The following EPRS1 variants were observed in gnomAD, a reference collection of about 807,000 sequenced individuals.
The protein encoded by EPRS1 is bifunctional glutamate/proline--tRNA ligase.
A neutral mutation model predicts 188.3 loss-of-function variants in EPRS1; 107 were observed. That is an observed-to-expected ratio of 0.57 (90% CI 0.49 to 0.67). The LOEUF is 0.67. EPRS1 is among the 30% of genes least tolerant of loss of function. EPRS1 has a pLI of 0.00. For synonymous variants in EPRS1, 596 were observed against 593.1 expected, an observed-to-expected ratio of 1.00 and a Z score of -0.07; for missense variants, 1,577 against 1,802.2, an observed-to-expected ratio of 0.88 and a Z score of 2.26.
intron 2 of EPRS1, among the ~76,000 whole-genome samples, chr1:220,035,693 G>A (rs951102471): frequency 6.6e-6 from 1 of 151,644 alleles, no homozygotes; most frequent in Non-Finnish European, 1.5e-5. Context: ...GCTAGGCATA[G>A]TGGCATGCAC....
chr1:219,973,515 GC>G, intron 28 of EPRS1, 117 bp from the exon 29 acceptor site: 1 of 403,002 alleles, frequency 2.5e-6, no homozygotes. Flanking sequence ...CAAAGGCAAA[GC>G]CAAAAAAAAC....
intron 6 of EPRS1, among the ~76,000 whole-genome samples, chr1:220,027,811 T>C (rs1300085421): frequency 6.6e-6 from 1 of 151,832 alleles, no homozygotes; most frequent in African/African-American, 2.4e-5. Flanking sequence ...GGCGGAACTC[T>C]GTCTCTACTA....
chr1:219,982,457 C>T, intron 23 of EPRS1: 1 of 195,516 alleles, frequency 5.1e-6, no homozygotes, highest in Non-Finnish European at 1.0e-5. Flanking sequence ...ATTGCATTTG[C>T]AATATTATAA....
Position 220,034,985 on chromosome 1 carries a change from T to A in EPRS1, c.160A>T (p.Ile54Leu). ...GCAACTCTAGCCAAGTAGCGAAGTA[T>A]AGAATTCACATCTGTGAATATCACA... ...ENVIFTDVNSILRYLARVATT... is the reference protein window; with the variant it reads ...ENVIFTDVNSLLRYLARVATT... Residue 54 changes from isoleucine to leucine, a missense_variant, in exon 3 of 32, where the codon ATA becomes TTA. By Grantham distance (5) the Ile-to-Leu change is conservative (BLOSUM62 2). Around this residue, in one of 3 missense-constraint regions of EPRS1, gnomAD observed 1,278 missense variants for 1,457.4 expected, o/e 0.88. Coordinates refer to ENST00000366923, the MANE Select transcript of EPRS1 (RefSeq NM_004446.3). 1.2e-5 allele frequency: 19 copies of A among 1,595,736 alleles called. No individual in the cohort carries two copies. The highest frequency in any genetic ancestry group is 1.6e-5 in the Non-Finnish European group (19 of 1,169,176).
chr1:219,996,918 A>G, intron 18 of EPRS1, 65 bp downstream of exon 18: 1 of 1,459,536 alleles, frequency 6.9e-7, no homozygotes, highest in African/African-American at 1.4e-5. Flanking sequence ...AGAAGATGAG[A>G]CTACTCTAAG....
At chr1:220,031,882 C>T (rs1458485060) in intron 5 of EPRS1, among the ~76,000 whole-genome samples, 1 of 152,072 alleles carries the variant, frequency 6.6e-6, no homozygotes, top group Non-Finnish European at 1.5e-5. Flanking sequence ...GGGACATACA[C>T]TGGATGATCA....
At chr1:220,031,858 T>A (rs902450788) in intron 5 of EPRS1, among the ~76,000 whole-genome samples, 16 of 152,010 alleles carry the variant, frequency 1.1e-4, no homozygotes, top group Non-Finnish European at 1.6e-4. Flanking sequence ...TTATATGGAG[T>A]TTGGATTGCC....
chr1:220,037,505 C>CAAAAAA (rs766349279), intron 2 of EPRS1, among the ~76,000 whole-genome samples: 1 of 52,324 alleles, frequency 1.9e-5, no homozygotes, highest in African/African-American at 6.6e-5. Flanking sequence ...ACTCCATCTC[C>CAAAAAA]AAAAAAAAAA....
At chr1:220,013,745 G>A (rs1210753433) in intron 12 of EPRS1, among the ~76,000 whole-genome samples, 1 of 152,208 alleles carries the variant, frequency 6.6e-6, no homozygotes, top group Non-Finnish European at 1.5e-5. Context: ...AGAGGGGTAT[G>A]TACCTCAAGA....
intron 25 of EPRS1, 139 bp downstream of exon 25, chr1:219,980,617 G>A: frequency 1.7e-6 from 1 of 584,134 alleles, no homozygotes; most frequent in Non-Finnish European, 3.1e-6. Context: ...ATTCCAATAA[G>A]CAGTTACTTA....
At chr1:220,020,763 T>A (rs1266514702) in intron 9 of EPRS1, among the ~76,000 whole-genome samples, 1 of 143,920 alleles carries the variant, frequency 6.9e-6, no homozygotes, top group East Asian at 2.0e-4. Context: ...GATGAAATAG[T>A]CTAAAAAACA....
chr1:220,020,220 C>A lies in EPRS1; in HGVS notation c.1117G>T (p.Val373Phe). ...PHPRTGNKYN[V>F]YPTYDFACPI... ...CAGGCAAAATCATATGTTGGATAAACACTAGAAAAAAAGAAAATAAAATAA... is the reference window on the plus strand; with the variant it reads ...CAGGCAAAATCATATGTTGGATAAAAACTAGAAAAAAAGAAAATAAAATAA... Residue 373 changes from valine to phenylalanine, a missense_variant and splice_region_variant, in exon 10 of 32, where the codon GTT becomes TTT. Physicochemically the swap from Val to Phe is conservative, Grantham distance 50. Transcript: ENST00000366923. The A allele has an allele frequency of 6.3e-7, 1 of 1,590,344 alleles. No homozygotes were observed. The highest frequency in any genetic ancestry group is 1.1e-5 in the South Asian group (1 of 88,302).
rs557804755 is a variant in EPRS1, at chr1:220,046,264, C to T, written c.46+79G>A. 6.4e-6 allele frequency: 10 copies of T among 1,568,098 alleles called. No homozygotes were observed. The South Asian group carries it at 6.7e-5, about 11-fold the overall frequency. ...GATGGTGACCACCACTGCGCAAAGC[C>T]GGGGCGCAGCGACCTTCCACGCCCT... is the stretch of plus-strand genomic sequence containing the variant. On this transcript the variant is annotated intron_variant, in intron 1 of 31. Transcript: ENST00000366923.
rs984570092 is a variant in EPRS1, at chr1:219,978,682, G to A, written c.3947C>T (p.Ser1316Phe). The A allele has an allele frequency of 6.2e-7, 1 of 1,612,092 alleles. No homozygotes were observed. Among genetic ancestry groups the A allele is most frequent in the Non-Finnish European group, 8.5e-7 (1 of 1,179,104 alleles). The change falls in exon 28 of 32, where the codon TCT becomes TTT. Residue 1316 changes from serine to phenylalanine, a missense_variant. This residue lies in a region of EPRS1 where 296 missense variants were observed against 327.9 expected (regional missense o/e 0.90). Transcript: ENST00000366923. The stretch of plus-strand genomic sequence containing the variant: ...AATCAGCGCTTCTTTGTCTTCTTCA[G>A]AAAGTGCATTGGTAATGCCACAAGG... The part of the protein sequence containing the change: ...IIPCGITNAL[S>F]EEDKEALIAK...
intron 16 of EPRS1, among the ~76,000 whole-genome samples, chr1:220,004,436 T>C (rs549555311): frequency 2.1e-4 from 32 of 152,090 alleles, no homozygotes; most frequent in African/African-American, 7.0e-4. Flanking sequence ...AAGGATGAAA[T>C]TGGAGGCAAG....
At chr1:220,037,993 G>T (rs1166822505) in intron 2 of EPRS1, among the ~76,000 whole-genome samples, 2 of 152,060 alleles carry the variant, frequency 1.3e-5, no homozygotes, top group African/African-American at 4.8e-5. Context: ...ACTACACTGG[G>T]AGAAAGGGGG....
intron 20 of EPRS1, among the ~76,000 whole-genome samples, chr1:219,986,219 G>A (rs972464994): frequency 7.2e-5 from 11 of 152,294 alleles, no homozygotes; most frequent in African/African-American, 2.4e-4. Context: ...CCATCACAAA[G>A]TTCACTGTAA....
intron 12 of EPRS1, among the ~76,000 whole-genome samples, chr1:220,016,558 GCA>G (rs999309320): frequency 2.8e-4 from 40 of 144,320 alleles, no homozygotes; most frequent in African/African-American, 9.7e-4. Flanking sequence ...CTACAAGCAT[GCA>G]CGACCAGGCC....
At position 219,980,081 on chromosome 1, in the gene EPRS1, A is replaced by G. The variant is rs370984363; in HGVS notation, c.3711+4T>C. 2.7e-5 allele frequency: 44 copies of G among 1,613,014 alleles called. No homozygotes were observed. The African/African-American group carries it at 4.0e-4, about 15-fold the overall frequency. On this transcript the variant is annotated splice_donor_region_variant and intron_variant, in intron 26 of 31. Transcript: ENST00000366923. ...CCTACGAATCCTGTGTGGCAGTTTG[A>G]TACCTGGATAGCTCTTCCACTAGCA...
Sources: gnomAD v4.1 joint callset for allele counts (sites outside exome capture counted in the v4.1 genomes callset) on GRCh38, gnomAD v4.1.1 for gene constraint, gnomAD v4.1.1 regional missense constraint, MANE v1.5 for transcripts, NCBI Gene and HGNC (gene_info 2026-07-23, HGNC 2026-07-21) for gene names.